Variants in TRIM39 observed in about 807,000 individuals in gnomAD.
TRIM39 encodes tripartite motif containing 39, also known as E3 ubiquitin-protein ligase TRIM39.
A neutral mutation model predicts 53.6 loss-of-function variants in TRIM39; 5 were observed. That is an observed-to-expected ratio of 0.09 (90% CI 0.05 to 0.20). The LOEUF is 0.20. TRIM39 is among the 10% of genes least tolerant of loss of function. The pLI, the probability that TRIM39 is intolerant of heterozygous loss-of-function variation, is 1.00. For synonymous variants in TRIM39, 196 were observed against 237.6 expected (o/e 0.82, Z 1.61); for missense variants, 310 against 621.0 (o/e 0.50, Z 5.32).
exon 8 of TRIM39, chr6:30,343,535 T>A (rs1270280513): frequency 1.3e-5 from 2 of 152,690 alleles, no homozygotes; most frequent in Non-Finnish European, 2.9e-5. Context: ...GATTATCTGC[T>A]ATTCGGGTAA....
exon 8 of TRIM39, chr6:30,343,125 A>G (rs949310722): frequency 5.2e-5 from 8 of 152,696 alleles, no homozygotes; most frequent in African/African-American, 1.9e-4. Context: ...AGAGTCAGGT[A>G]TTAGAGGAAA....
intron 7 of TRIM39, chr6:30,341,364 CTT>C (rs1226860661): frequency 1.7e-6 from 1 of 591,340 alleles, no homozygotes; most frequent in East Asian, 4.0e-5. Flanking sequence ...CTTCTTAACA[CTT>C]TCCGTTTTTT....
At chr6:30,343,562 TGA>T (rs1317142629) in exon 8 of TRIM39, 2 of 152,698 alleles carry the variant, frequency 1.3e-5, no homozygotes, top group Non-Finnish European at 2.9e-5. Flanking sequence ...CAGAAATGAC[TGA>T]GAGAAGAATC....
intron 4 of TRIM39, among the ~76,000 whole-genome samples, chr6:30,333,074 G>A (rs190526837): frequency 2.0e-5 from 3 of 152,074 alleles, no homozygotes; most frequent in Non-Finnish European, 4.4e-5. Flanking sequence ...TTATATGCTT[G>A]CCCCTATATG....
intron 3 of TRIM39, 142 bp from the exon 4 acceptor site, chr6:30,330,639 G>T (rs958581004): frequency 5.1e-5 from 43 of 838,136 alleles, no homozygotes; most frequent in Non-Finnish European, 7.6e-5. Flanking sequence ...CAAATGACAG[G>T]CAAGGAAGGA....
rs370726277 is a variant in TRIM39 at position 30,339,259 on chromosome 6, C to T, written c.781-649C>T. Among the ~76,000 whole-genome samples the T allele has an allele frequency of 6.6e-6, 1 of 152,048 alleles. No individual in the cohort carries two copies. The highest frequency in any genetic ancestry group is 2.1e-4 in the South Asian group (1 of 4,814). ...TGCCTCCTGTGTTCAAGCGATTCTCCTGCCTCAGCCTCCTGAGTAGCTGGG... is the reference window on the plus strand; with the variant it reads ...TGCCTCCTGTGTTCAAGCGATTCTCTTGCCTCAGCCTCCTGAGTAGCTGGG... On this transcript the variant is annotated intron_variant, in intron 5 of 7. Coordinates refer to ENST00000396551, the Ensembl canonical transcript of TRIM39. This position sits in a 1 kb window ranked among gnomAD's most constrained non-coding sequence, Gnocchi z 4.2.
intron 1 of TRIM39, chr6:30,327,374 C>T (rs1785489794): frequency 6.5e-6 from 1 of 154,542 alleles, no homozygotes; most frequent in African/African-American, 2.4e-5. Flanking sequence ...TCTCCAATGC[C>T]CCAGCCCCAG....
At chr6:30,337,178 G>A (rs1177090946) in intron 5 of TRIM39, among the ~76,000 whole-genome samples, 8 of 152,132 alleles carry the variant, frequency 5.3e-5, no homozygotes, top group African/African-American at 1.9e-4. Flanking sequence ...CAAGGCAGGT[G>A]GATCACCTGA....
At position 30,342,475 on chromosome 6, in the gene TRIM39, G is replaced by A. The variant is rs1468335951; in HGVS notation, c.*216G>A. 53 of 603,056 alleles carry A rather than the reference G, an allele frequency of 8.8e-5. No individual in the cohort carries two copies. In the East Asian group the frequency reaches 1.5e-3, roughly 17 times the overall value. The allele number at this position is 603,056 out of a possible 1,614,324, so 37.4% of individuals were successfully genotyped here. A position where few individuals can be genotyped will look rare whatever the true frequency, so the allele number is the denominator to read the frequency against. Reference sequence around the variant, plus strand: ...GTGACTTCCTCCTAACTGTCAGGGTGGGGAGCTGGTTCCCAGAGGATTGTC... The same window carrying A: ...GTGACTTCCTCCTAACTGTCAGGGTAGGGAGCTGGTTCCCAGAGGATTGTC... On this transcript the variant is annotated 3_prime_UTR_variant, in exon 8 of 8. Transcript: ENST00000396551. This position sits in a 1 kb window ranked among gnomAD's most constrained non-coding sequence, Gnocchi z 4.7.
At chr6:30,336,242 C>G in intron 5 of TRIM39, 1 of 698,900 alleles carries the variant, frequency 1.4e-6, no homozygotes, top group Non-Finnish European at 2.6e-6. Flanking sequence ...GGAGGGAAGT[C>G]TAGCCTGAGT....
At chr6:30,332,849 C>T (rs1786351665) in intron 4 of TRIM39, among the ~76,000 whole-genome samples, 2 of 152,172 alleles carry the variant, frequency 1.3e-5, no homozygotes, top group African/African-American at 4.8e-5. Context: ...TTTGAATTCT[C>T]CCTCCTTCTC....
chr6:30,335,370 G>T lies in TRIM39; in HGVS notation c.550-375G>T, dbSNP rs954750056. Among the ~76,000 whole-genome samples, 1 of 152,014 alleles carries T rather than the reference G, an allele frequency of 6.6e-6. No individual in the cohort carries two copies. The highest frequency in any genetic ancestry group is 1.5e-5 in the Non-Finnish European group (1 of 68,028). On this transcript the variant is annotated intron_variant, in intron 4 of 7. Coordinates refer to ENST00000396551, the Ensembl canonical transcript of TRIM39. The surrounding 1 kb of genome is among the most constrained non-coding windows in gnomAD (Gnocchi z 4.7). ...ATCTCGATCTGTTGCCCAAGCTGGA[G>T]TGCAATGGTGCAACAATTTCAGCTT...
At position 30,341,890 on chromosome 6, in the gene TRIM39, G is replaced by A. The variant is rs780567770; in HGVS notation, c.1098G>A (p.Glu366=). The A allele has an allele frequency of 3.1e-6, 5 of 1,612,948 alleles. No homozygotes were observed. The African/African-American group carries it at 5.3e-5, about 17-fold the overall frequency. ...TCACCTCAGGTCGACACTACTGGGA[G>A]GTGGAGGTGGGCGACAAGACCCACT... The change falls in exon 8 of 8, where the codon GAG becomes GAA. Residue 366 remains glutamate (E), a synonymous_variant. Transcript: ENST00000396551.
At chr6:30,337,074 A>G (rs1033337335) in intron 5 of TRIM39, among the ~76,000 whole-genome samples, 1 of 152,166 alleles carries the variant, frequency 6.6e-6, no homozygotes, top group Non-Finnish European at 1.5e-5. Context: ...TTTGAAAGGA[A>G]TCTTTTTTTC....
rs1270903140 is a variant in TRIM39, at chr6:30,339,881, A to G, written c.781-27A>G. The stretch of plus-strand genomic sequence containing the variant: ...AGGACCACTGAATACCAGGACCAAT[A>G]TTGCTTTCTTTTCTCCTTCCTTCTA... On this transcript the variant is annotated intron_variant, in intron 5 of 7. Coordinates refer to ENST00000396551, the Ensembl canonical transcript of TRIM39. The surrounding 1 kb of genome is among the most constrained non-coding windows in gnomAD (Gnocchi z 4.2). 6.2e-7 allele frequency: 1 copy of G among 1,614,000 alleles called. No individual in the cohort carries two copies. Among genetic ancestry groups the G allele is most frequent in the African/African-American group, 1.3e-5 (1 of 75,016 alleles).
chr6:30,331,797 C>A (rs1427065887), intron 4 of TRIM39, among the ~76,000 whole-genome samples: 1 of 152,184 alleles, frequency 6.6e-6, no homozygotes, highest in Non-Finnish European at 1.5e-5. Flanking sequence ...TACAATTTTG[C>A]ACCTCTTTTA....
intron 5 of TRIM39, among the ~76,000 whole-genome samples, chr6:30,337,298 G>T (rs57455108): frequency 0.029 from 4,449 of 152,148 alleles, 139 homozygotes; most frequent in African/African-American, 0.082. Context: ...CCAGCTACTC[G>T]GGAGGCTGAG....
intron 3 of TRIM39, 80 bp from the exon 4 acceptor site, chr6:30,330,701 A>G: frequency 6.8e-7 from 1 of 1,469,482 alleles, no homozygotes; most frequent in Non-Finnish European, 9.3e-7. Context: ...ATGGTTTAAA[A>G]CAAATGGTTT....
intron 4 of TRIM39, among the ~76,000 whole-genome samples, chr6:30,332,733 TTTTTAAAACCTTC>T (rs1786335207): frequency 1.3e-5 from 2 of 152,178 alleles, no homozygotes; most frequent in Admixed American, 6.5e-5. Flanking sequence ...GAAATATACC[TTTTTAAAACCTTC>T]TAAATGCTTG....
Sources: allele counts gnomAD v4.1 joint callset (sites outside exome capture counted in the v4.1 genomes callset), GRCh38; gene constraint gnomAD v4.1.1; non-coding constraint Gnocchi (gnomAD v3.1); transcripts MANE v1.5; gene names NCBI Gene and HGNC (gene_info 2026-07-23, HGNC 2026-07-21).